Variants in THSD4 observed in about 807,000 individuals in gnomAD.
The protein encoded by THSD4 is thrombospondin type 1 domain containing 4.
Under a neutral mutation model 119.0 loss-of-function variants are expected in THSD4, and 69 were observed. The observed-to-expected ratio is 0.58, with a 90% CI of 0.48 to 0.71. The LOEUF is 0.71. THSD4 is among the 30% of genes least tolerant of loss of function. The probability of loss-of-function intolerance (pLI) is 0.00; values close to 1 mark genes in which losing one functional copy is unlikely to be tolerated. For synonymous variants in THSD4, 524 were observed against 540.4 expected (o/e 0.97, Z 0.42); for missense variants, 1,393 against 1,391.1 (o/e 1.00, Z -0.02).
upstream of THSD4, chr15:71,113,812 A>C (rs2040325979): frequency 1.3e-5 from 2 of 152,214 alleles, no homozygotes; most frequent in Non-Finnish European, 2.9e-5. Context: ...AAATCTTATT[A>C]GTTTTGCTTT....
At chr15:71,452,686 G>A (rs117408171) in intron 7 of THSD4, among the ~76,000 whole-genome samples, 8,765 of 152,144 alleles carry the variant, frequency 0.058, 365 homozygotes, top group Non-Finnish European at 0.079. Context: ...CGCGATCTCT[G>A]CTCACTACAG....
intron 6 of THSD4, among the ~76,000 whole-genome samples, chr15:71,276,213 A>G (rs1245430722): frequency 6.6e-6 from 1 of 152,226 alleles, no homozygotes; most frequent in Non-Finnish European, 1.5e-5. Flanking sequence ...TGATGCCACC[A>G]TGTTTACCCT....
intron 7 of THSD4, among the ~76,000 whole-genome samples, chr15:71,471,221 T>C (rs958079453): frequency 1.3e-5 from 2 of 152,040 alleles, no homozygotes; most frequent in African/African-American, 2.4e-5. Flanking sequence ...CCAGCTTCCC[T>C]TGGATGTGAG....
chr15:71,707,922 G>T (rs1313452651), intron 8 of THSD4, among the ~76,000 whole-genome samples: 1 of 152,184 alleles, frequency 6.6e-6, no homozygotes, highest in African/African-American at 2.4e-5. Flanking sequence ...AATAACCACT[G>T]TGTTGTGCAA....
intron 7 of THSD4, among the ~76,000 whole-genome samples, chr15:71,548,566 G>A (rs764151962): frequency 1.3e-5 from 2 of 152,192 alleles, no homozygotes; most frequent in Non-Finnish European, 2.9e-5. Flanking sequence ...ATGCAGCAAC[G>A]GGTCACTTGT....
chr15:71,680,029 A>G (rs1229708937), intron 8 of THSD4, among the ~76,000 whole-genome samples: 1 of 152,220 alleles, frequency 6.6e-6, no homozygotes, highest in Non-Finnish European at 1.5e-5. Context: ...CAGTATTGCT[A>G]CATCAGGGAG....
At chr15:71,227,533 A>G (rs1225698179) in intron 4 of THSD4, among the ~76,000 whole-genome samples, 1 of 152,208 alleles carries the variant, frequency 6.6e-6, no homozygotes, top group East Asian at 1.9e-4. Flanking sequence ...GAGCCTGCAC[A>G]TATTGTTGAT....
intron 14 of THSD4, among the ~76,000 whole-genome samples, chr15:71,754,732 A>G (rs560268203): frequency 7.2e-5 from 11 of 152,338 alleles, no homozygotes; most frequent in African/African-American, 2.6e-4. Flanking sequence ...CAAAAGATTA[A>G]CAGATAAAAA....
intron 3 of THSD4, among the ~76,000 whole-genome samples, chr15:71,184,584 A>C (rs1031526009): frequency 6.6e-6 from 1 of 151,844 alleles, no homozygotes; most frequent in Admixed American, 6.6e-5. Flanking sequence ...CTCAGCCTAG[A>C]GACATTAAAT....
At chr15:71,758,108 G>C in intron 15 of THSD4, 33 bp downstream of exon 15, 1 of 1,530,026 alleles carries the variant, frequency 6.5e-7, no homozygotes, top group East Asian at 2.5e-5. Context: ...GTCTGCCTGT[G>C]TCAGGCAAAA....
At chr15:71,353,098 A>G (rs1050151895) in intron 6 of THSD4, among the ~76,000 whole-genome samples, 3 of 152,232 alleles carry the variant, frequency 2.0e-5, no homozygotes, top group African/African-American at 7.2e-5. Flanking sequence ...TGAGCACTCT[A>G]TACATGAGGC....
In THSD4 at chr15:71,616,368, A is replaced by C. The variant is rs79527599; in HGVS notation, c.1153-44162A>C. Among the ~76,000 whole-genome samples the C allele has an allele frequency of 5.4e-4, 82 of 152,346 alleles. 1 individual carries two copies. In the East Asian group the frequency reaches 0.01, roughly 19 times the overall value. On this transcript the variant is annotated intron_variant, in intron 7 of 17. Transcript: ENST00000261862. ...TCTTATGTTTTGCTGGTCAGACTAC[A>C]TCATGTTCCATTCTTAGGTGCTTAT...
intron 6 of THSD4, among the ~76,000 whole-genome samples, chr15:71,346,297 A>G (rs531776151): frequency 6.6e-6 from 1 of 152,340 alleles, no homozygotes; most frequent in East Asian, 1.9e-4. Flanking sequence ...CAGGAAAATA[A>G]CAGAAGTGAT....
At chr15:71,564,272 G>T (rs1007180417) in intron 7 of THSD4, among the ~76,000 whole-genome samples, 1 of 152,332 alleles carries the variant, frequency 6.6e-6, no homozygotes, top group South Asian at 2.1e-4. Context: ...AGGGGCAGAG[G>T]TTCCCAGAGA....
At chr15:71,102,881 T>A (rs1448652773) in intron 1 of THSD4, among the ~76,000 whole-genome samples, 1 of 152,174 alleles carries the variant, frequency 6.6e-6, no homozygotes, top group African/African-American at 2.4e-5. Context: ...TTATATCTTC[T>A]TTTTTCCCCC....
intron 6 of THSD4, among the ~76,000 whole-genome samples, chr15:71,407,694 C>T (rs1234276436): frequency 6.6e-6 from 1 of 151,456 alleles, no homozygotes; most frequent in African/African-American, 2.4e-5. Context: ...GTTGTATTAT[C>T]TTTTAAATTC....
At chr15:71,283,216 G>T (rs1368394638) in intron 6 of THSD4, among the ~76,000 whole-genome samples, 1 of 152,140 alleles carries the variant, frequency 6.6e-6, no homozygotes, top group East Asian at 1.9e-4. Flanking sequence ...CGATCCGCCA[G>T]CCTCGGCCTC....
rs574250750 is a variant in THSD4 at position 71,629,510 on chromosome 15, G to A, written c.1153-31020G>A. ...TTCAGGCCACACTCAGATATCACCC[G>A]CCCTAACTATCCCAGCTAAAGCGTC... On this transcript the variant is annotated intron_variant, in intron 7 of 17. Coordinates refer to ENST00000261862, the MANE Select transcript of THSD4 (RefSeq NM_024817.3). Among the ~76,000 whole-genome samples the A allele has an allele frequency of 6.6e-5, 10 of 152,180 alleles. No individual in the cohort carries two copies. The South Asian group carries it at 8.3e-4, about 13-fold the overall frequency.
At chr15:71,615,869 C>A (rs1225360820) in intron 7 of THSD4, among the ~76,000 whole-genome samples, 2 of 152,126 alleles carry the variant, frequency 1.3e-5, no homozygotes, top group Admixed American at 6.6e-5. Flanking sequence ...GGGAACGATG[C>A]CTCTTTAGTG....
Sources: gnomAD v4.1 joint callset for allele counts (sites outside exome capture counted in the v4.1 genomes callset) on GRCh38, gnomAD v4.1.1 for gene constraint, MANE v1.5 for transcripts, NCBI Gene and HGNC (gene_info 2026-07-23, HGNC 2026-07-21) for gene names.